The following EFR3A variants were observed in gnomAD, a reference collection of about 807,000 sequenced individuals.
EFR3A encodes the protein EFR3 homolog A.
EFR3A carries 76 observed loss-of-function variants against 104.4 expected under a neutral mutation model. The observed-to-expected ratio is 0.73, with a 90% confidence interval of 0.60 to 0.88. EFR3A has a LOEUF of 0.88. Ranked by LOEUF, EFR3A falls within the 40% of genes least tolerant of loss-of-function variation. The pLI is 0.00. For missense variants in EFR3A, 985 were observed against 1,012.5 expected, an observed-to-expected ratio of 0.97 and a Z score of 0.37; for synonymous variants, 330 against 330.0, an observed-to-expected ratio of 1.00 and a Z score of 0.00.
At position 131,989,070 on chromosome 8, in the gene EFR3A, G is replaced by T. The variant is rs187659078; in HGVS notation, c.2065+1368G>T. On this transcript the variant is annotated intron_variant, in intron 18 of 22. Coordinates refer to ENST00000254624, the MANE Select transcript of EFR3A (RefSeq NM_015137.6). ...AATGCATCTCTACCAATGACTAGAAGAATTCTGAATATTTTAGTGTCTACT... is the reference window on the plus strand; with the variant it reads ...AATGCATCTCTACCAATGACTAGAATAATTCTGAATATTTTAGTGTCTACT... Among the ~76,000 whole-genome samples the T allele has an allele frequency of 6.7e-3, 1,012 of 152,148 alleles. 4 individuals carry two copies. The highest frequency in any genetic ancestry group is 0.017 in the Middle Eastern group (5 of 294).
At chr8:131,937,677 T>C (rs937777664) in intron 1 of EFR3A, among the ~76,000 whole-genome samples, 3 of 152,078 alleles carry the variant, frequency 2.0e-5, no homozygotes, top group South Asian at 4.1e-4. Flanking sequence ...AGACATACAA[T>C]TGGGGAAAAG....
At position 131,972,538 on chromosome 8, in the gene EFR3A, A is replaced by G. The variant is rs528941801; in HGVS notation, c.1159+1895A>G. On this transcript the variant is annotated intron_variant, in intron 10 of 22. Transcript: ENST00000254624. ...AAGAAAACAGCCATGAGAATTTACA[A>G]TTTTGGAAATGAAATAATCTGACTG... 2.9e-4 allele frequency among the ~76,000 whole-genome samples: 44 copies of G among 152,110 alleles called. 1 individual carries two copies. The highest frequency in any genetic ancestry group is 9.6e-4 in the African/African-American group (40 of 41,520).
intron 1 of EFR3A, among the ~76,000 whole-genome samples, chr8:131,926,896 T>A (rs1386842063): frequency 6.6e-6 from 1 of 152,212 alleles, no homozygotes; most frequent in Non-Finnish European, 1.5e-5. Context: ...TTGCAACTTA[T>A]AAAATGATTA....
chr8:131,970,416 T>C (rs975061565), intron 9 of EFR3A, 60 bp from the exon 10 acceptor site: 30 of 1,473,272 alleles, frequency 2.0e-5, no homozygotes, highest in African/African-American at 9.8e-5. Flanking sequence ...AATAAGGTAA[T>C]TGACTTCAAA....
Position 131,946,648 on chromosome 8 carries a change from T to A in EFR3A, c.366+15T>A. The A allele has an allele frequency of 1.3e-6, 2 of 1,559,406 alleles. No individual in the cohort carries two copies. Among genetic ancestry groups the A allele is most frequent in the Non-Finnish European group, 1.7e-6 (2 of 1,153,214 alleles). On this transcript the variant is annotated intron_variant, in intron 4 of 22. Transcript: ENST00000254624. The stretch of plus-strand genomic sequence containing the variant: ...GAACAAATTCTGTGAGTAAAACTAT[T>A]CTGTTACTAAATGTATGCTTAATTA...
chr8:131,977,575 C>T (rs543611100), intron 12 of EFR3A, among the ~76,000 whole-genome samples: 1 of 152,068 alleles, frequency 6.6e-6, no homozygotes, highest in African/African-American at 2.4e-5. Context: ...AAAAGTATAC[C>T]CAGAATGAAA....
intron 8 of EFR3A, among the ~76,000 whole-genome samples, chr8:131,960,126 C>T (rs572938328): frequency 2.6e-5 from 4 of 152,174 alleles, no homozygotes; most frequent in Admixed American, 6.5e-5. Context: ...CTTCAGTGTG[C>T]ACTTGCCTTT....
chr8:131,999,287 A>G (rs1336298561), intron 19 of EFR3A, among the ~76,000 whole-genome samples: 1 of 152,130 alleles, frequency 6.6e-6, no homozygotes, highest in African/African-American at 2.4e-5. Context: ...TTTTTCCCCA[A>G]ATGCAACTGG....
chr8:132,004,862 T>C (rs1349084673), intron 22 of EFR3A, among the ~76,000 whole-genome samples: 2 of 152,192 alleles, frequency 1.3e-5, no homozygotes, highest in Admixed American at 1.3e-4. Flanking sequence ...AATCCATAAC[T>C]GATGTTCTTA....
chr8:131,944,663 G>C, intron 2 of EFR3A, 82 bp from the exon 3 acceptor site: 1 of 1,362,136 alleles, frequency 7.3e-7, no homozygotes, highest in South Asian at 1.5e-5. Flanking sequence ...ATCCAGAAAG[G>C]GAAATTGTAA....
At chr8:131,950,570 T>C (rs917695570) in intron 5 of EFR3A, among the ~76,000 whole-genome samples, 1 of 152,122 alleles carries the variant, frequency 6.6e-6, no homozygotes, top group African/African-American at 2.4e-5. Context: ...ATGTCACCTC[T>C]CTCATTCTAC....
rs774673584 is a variant in EFR3A, at chr8:131,986,207, G to A, written c.1883G>A (p.Arg628Gln). ...AATATTTTTTAGGTTATTGAAATTC[G>A]AACTATGGAAGCCCCTTATTTTCTA... is the stretch of plus-strand genomic sequence containing the variant. Reference protein sequence around the residue: ...CQHVSKVIEIRTMEAPYFLPE... With the variant: ...CQHVSKVIEIQTMEAPYFLPE... Residue 628 changes from arginine to glutamine, a missense_variant, in exon 17 of 23, where the codon CGA becomes CAA. Arg to Gln is a conservative substitution (Grantham distance 43). Coordinates refer to ENST00000254624, the MANE Select transcript of EFR3A (RefSeq NM_015137.6). 4.2e-5 allele frequency: 67 copies of A among 1,585,628 alleles called. No individual in the cohort carries two copies. In the African/African-American group the frequency reaches 5.5e-4, roughly 13 times the overall value.
chr8:131,952,135 C>T (rs1238666172), intron 5 of EFR3A, among the ~76,000 whole-genome samples: 1 of 151,634 alleles, frequency 6.6e-6, no homozygotes, highest in African/African-American at 2.4e-5. Flanking sequence ...GTAGAAATTA[C>T]CACCACCACC....
intron 10 of EFR3A, among the ~76,000 whole-genome samples, chr8:131,972,990 A>T (rs539248051): frequency 2.0e-5 from 3 of 150,690 alleles, no homozygotes; most frequent in African/African-American, 7.3e-5. Flanking sequence ...CTCATGATAC[A>T]TGGGGCTCTC....
rs1420377656 is a variant in EFR3A, at chr8:131,976,136, A to G, written c.1269A>G (p.Gln423=). ...GTSTHTLDIS[Q]LGDLGTRRIQ... ...CTACCCATACTTTGGATATCAGTCA[A>G]CTAGGGTATGTTCTCAGACTGTAAA... Residue 423 remains glutamine, a synonymous_variant, in exon 11 of 23, where the codon CAA becomes CAG. Transcript: ENST00000254624. The G allele has an allele frequency of 1.3e-6, 2 of 1,556,344 alleles. No homozygotes were observed. The highest frequency in any genetic ancestry group is 1.8e-6 in the Non-Finnish European group (2 of 1,135,266).
At chr8:131,931,730 T>C (rs1445068444) in intron 1 of EFR3A, among the ~76,000 whole-genome samples, 2 of 152,070 alleles carry the variant, frequency 1.3e-5, no homozygotes, top group East Asian at 1.9e-4. Context: ...ATTATAGTTA[T>C]TATATATGAA....
intron 1 of EFR3A, among the ~76,000 whole-genome samples, chr8:131,935,982 G>T (rs977406437): frequency 6.6e-6 from 1 of 151,954 alleles, no homozygotes; most frequent in African/African-American, 2.4e-5. Flanking sequence ...TTGGTTCCCA[G>T]TATTCAGAAT....
rs1209791134 is a variant in EFR3A at position 131,913,216 on chromosome 8, G to GT, written c.10+8896dup. Among the ~76,000 whole-genome samples, 274 of 150,326 alleles carry GT rather than the reference G, an allele frequency of 1.8e-3. 2 individuals are homozygous for GT. The highest frequency in any genetic ancestry group is 6.5e-3 in the African/African-American group (266 of 40,894). On this transcript the variant is annotated intron_variant, in intron 1 of 22. Transcript: ENST00000254624. The stretch of plus-strand genomic sequence containing the variant: ...TATGATCACAAAATGAATGTTGGCA[G>GT]TTCCTCCTATGATTAATATGTCAGA...
Position 132,003,297 on chromosome 8 carries a change from G to A in EFR3A, c.2360+12G>A, listed in dbSNP as rs1364667426. ...GAACTCACCATACGGTAAGGGTTTT[G>A]TTATCACAATAGCAATAACACACAC... On this transcript the variant is annotated intron_variant, in intron 22 of 22. Coordinates refer to ENST00000254624, the MANE Select transcript of EFR3A (RefSeq NM_015137.6). 1 of 1,610,518 alleles carries A rather than the reference G, an allele frequency of 6.2e-7. No homozygotes were observed. The highest frequency in any genetic ancestry group is 8.5e-7 in the Non-Finnish European group (1 of 1,177,992).
Sources: gnomAD v4.1 joint callset for allele counts (sites outside exome capture counted in the v4.1 genomes callset) on GRCh38, gnomAD v4.1.1 for gene constraint, MANE v1.5 for transcripts, NCBI Gene and HGNC (gene_info 2026-07-23, HGNC 2026-07-21) for gene names.